The following ACBD5 variants were observed in gnomAD, a reference collection of about 807,000 sequenced individuals.
The protein encoded by ACBD5 is acyl-CoA-binding domain-containing protein 5.
Under a neutral mutation model 71.8 loss-of-function variants are expected in ACBD5, and 40 were observed. The ratio of observed to expected loss-of-function variants is 0.56; its 90% CI spans 0.43 to 0.72. The LOEUF is 0.72. Among genes scored for constraint, ACBD5 ranks in the 30% least tolerant of loss-of-function variants. The pLI, the probability that ACBD5 is intolerant of heterozygous loss-of-function variation, is 0.00. For synonymous variants in ACBD5, 229 were observed against 218.6 expected (o/e 1.05, Z -0.42); for missense variants, 559 against 644.5 (o/e 0.87, Z 1.44).
At chr10:27,206,388 G>T (rs544358274) in intron 10 of ACBD5, among the ~76,000 whole-genome samples, 17 of 151,848 alleles carry the variant, frequency 1.1e-4, no homozygotes, top group African/African-American at 3.9e-4. Flanking sequence ...AGGCTGAGGT[G>T]GGCTGATTAC....
chr10:27,197,398 C>T lies in ACBD5; in HGVS notation c.*32G>A, dbSNP rs2059465071. On this transcript the variant is annotated 3_prime_UTR_variant, in exon 13 of 13. Coordinates refer to ENST00000396271, the MANE Select transcript of ACBD5 (RefSeq NM_145698.5). ...AGTTCATTCTGAGGTCATCCAGTTC[C>T]AGTAGTCTTCTTGAGGAAAACACCA... 6.2e-7 allele frequency: 1 copy of T among 1,606,674 alleles called. No homozygotes were observed. Among genetic ancestry groups the T allele is most frequent in the Non-Finnish European group, 8.5e-7 (1 of 1,174,058 alleles).
At chr10:27,184,797 G>A (rs553779902) in intron 13 of ACBD5, among the ~76,000 whole-genome samples, 2 of 152,132 alleles carry the variant, frequency 1.3e-5, no homozygotes, top group African/African-American at 4.8e-5. Flanking sequence ...CTGACCTCAA[G>A]TAATCCGCCC....
At chr10:27,239,292 A>G (rs2065158434) in intron 2 of ACBD5, among the ~76,000 whole-genome samples, 1 of 152,264 alleles carries the variant, frequency 6.6e-6, no homozygotes, top group Non-Finnish European at 1.5e-5. Context: ...CTCTGCATTT[A>G]GAACAGAGAA....
upstream of ACBD5, chr10:27,242,092 G>A (rs765128781): frequency 2.2e-6 from 1 of 451,480 alleles, no homozygotes. Flanking sequence ...GTCCGGTAAT[G>A]TCCCCGACGC....
chr10:27,212,460 T>C (rs2061193225), intron 8 of ACBD5, among the ~76,000 whole-genome samples: 1 of 152,106 alleles, frequency 6.6e-6, no homozygotes, highest in Non-Finnish European at 1.5e-5. Context: ...TCCCCAAATA[T>C]CTCTTTTTTA....
At chr10:27,233,768 C>CG (rs1564715198) in intron 3 of ACBD5, among the ~76,000 whole-genome samples, 1 of 151,854 alleles carries the variant, frequency 6.6e-6, no homozygotes, top group African/African-American at 2.4e-5. Flanking sequence ...GGGGCGGGAG[C>CG]GGGGGGTGGC....
At chr10:27,199,248 G>C (rs1324054092) in intron 12 of ACBD5, among the ~76,000 whole-genome samples, 2 of 151,128 alleles carry the variant, frequency 1.3e-5, no homozygotes, top group African/African-American at 4.9e-5. Context: ...GAGTGCAGTG[G>C]CGCGCGACCT....
intron 2 of ACBD5, among the ~76,000 whole-genome samples, chr10:27,238,187 C>T (rs1256626857): frequency 1.3e-5 from 2 of 151,744 alleles, no homozygotes; most frequent in African/African-American, 4.8e-5. Context: ...CCTTGTGATC[C>T]GCCAGCCCCG....
At position 27,240,296 on chromosome 10, in the gene ACBD5, C is replaced by T. The variant is rs2065314914; in HGVS notation, c.181+23G>A. The T allele has an allele frequency of 1.2e-6, 2 of 1,614,078 alleles. No homozygotes were observed. Among genetic ancestry groups the T allele is most frequent in the Non-Finnish European group, 1.7e-6 (2 of 1,180,020 alleles). Reference sequence around the variant, plus strand: ...TGGGGCTCTCTGCAGGAGGCGTCTACAGCCGGGGCCCAGCGCACGTACCAT... The same window carrying T: ...TGGGGCTCTCTGCAGGAGGCGTCTATAGCCGGGGCCCAGCGCACGTACCAT... On this transcript the variant is annotated intron_variant, in intron 2 of 12. Transcript: ENST00000396271. This position sits in a 1 kb window ranked among gnomAD's most constrained non-coding sequence, Gnocchi z 4.1.
intron 6 of ACBD5, among the ~76,000 whole-genome samples, chr10:27,219,312 A>AAAAC (rs560210522): frequency 0.13 from 10,358 of 79,334 alleles, 676 homozygotes; most frequent in African/African-American, 0.32. Flanking sequence ...ATCTCATAAA[A>AAAAC]AAACAAAAAA....
In ACBD5 at chr10:27,219,998, C is replaced by A. The variant is rs188083314; in HGVS notation, c.491-141G>T. The A allele has an allele frequency of 7.6e-5, 44 of 581,550 alleles. No homozygotes were observed. In the African/African-American group the frequency reaches 8.3e-4, roughly 11 times the overall value. The allele number at this position is 581,550 out of a possible 1,614,324, so 36.0% of individuals were successfully genotyped here. On this transcript the variant is annotated intron_variant, in intron 5 of 12. Coordinates refer to ENST00000396271, the MANE Select transcript of ACBD5 (RefSeq NM_145698.5). ...GTTATATATATAATAGTATTATTTT[C>A]TTTGACTATAAACATACATATATTA...
At chr10:27,237,775 T>C (rs1181156465) in intron 2 of ACBD5, among the ~76,000 whole-genome samples, 1 of 150,876 alleles carries the variant, frequency 6.6e-6, no homozygotes, top group Admixed American at 6.6e-5. Flanking sequence ...AACTCGCCAC[T>C]ACACTCAGCT....
At chr10:27,199,064 G>A (rs1185416738) in intron 12 of ACBD5, among the ~76,000 whole-genome samples, 8 of 151,446 alleles carry the variant, frequency 5.3e-5, no homozygotes, top group Non-Finnish European at 7.4e-5. Flanking sequence ...AGCTGAGATC[G>A]GGCCACTGCA....
At position 27,226,441 on chromosome 10, in the gene ACBD5, A is replaced by ATAC. The variant is rs760194215; in HGVS notation, c.376-2992_376-2990dup. On this transcript the variant is annotated intron_variant, in intron 4 of 12. Coordinates refer to ENST00000396271, the MANE Select transcript of ACBD5 (RefSeq NM_145698.5). ...AATGGTGCACATGTACACACATGAG[A>ATAC]TACAGACTACACACACACACACACA... 9.4e-3 allele frequency among the ~76,000 whole-genome samples: 1,212 copies of ATAC among 128,470 alleles called. 11 individuals are homozygous for ATAC. Among genetic ancestry groups the ATAC allele is most frequent in the African/African-American group, 0.012 (410 of 33,600 alleles). 84.3% of individuals were successfully genotyped at this position (128,470 alleles called of 152,430 possible).
rs772004452 is a variant in ACBD5, at chr10:27,205,194, T to C, written c.1455+4A>G. On this transcript the variant is annotated splice_donor_region_variant and intron_variant, in intron 11 of 12. Coordinates refer to ENST00000396271, the MANE Select transcript of ACBD5 (RefSeq NM_145698.5). ...GCATTTAAATTTTTTAAAAAATGTC[T>C]TACCTGTGAGGTGGGCTGAGGAGCA... 2 of 1,612,398 alleles carry C rather than the reference T, an allele frequency of 1.2e-6. No individual in the cohort carries two copies. The highest frequency in any genetic ancestry group is 1.7e-6 in the Non-Finnish European group (2 of 1,179,024).
At chr10:27,208,769 C>T (rs1053478745) in intron 9 of ACBD5, among the ~76,000 whole-genome samples, 9 of 152,068 alleles carry the variant, frequency 5.9e-5, no homozygotes, top group African/African-American at 1.9e-4. Flanking sequence ...ACCCTGGAGG[C>T]GGTGGTTGCA....
intron 2 of ACBD5, among the ~76,000 whole-genome samples, chr10:27,237,411 T>G (rs976860873): frequency 6.6e-6 from 1 of 152,142 alleles, no homozygotes; most frequent in Non-Finnish European, 1.5e-5. Context: ...TTTCAGGCCT[T>G]AAATAAGGAT....
intron 3 of ACBD5, 56 bp from the exon 4 acceptor site, chr10:27,231,876 G>T: frequency 6.7e-7 from 1 of 1,500,050 alleles, no homozygotes; most frequent in Non-Finnish European, 9.3e-7. Context: ...TAATTGCTCA[G>T]AATACAATTT....
At chr10:27,211,615 G>T (rs11015609) in intron 8 of ACBD5, among the ~76,000 whole-genome samples, 1 of 151,982 alleles carries the variant, frequency 6.6e-6, no homozygotes, top group Non-Finnish European at 1.5e-5. Flanking sequence ...CCCCACGCCC[G>T]CCCAGTGAGT....
Sources: allele counts gnomAD v4.1 joint callset (sites outside exome capture counted in the v4.1 genomes callset), GRCh38; gene constraint gnomAD v4.1.1; non-coding constraint Gnocchi (gnomAD v3.1); transcripts MANE v1.5; gene names NCBI Gene and HGNC (gene_info 2026-07-23, HGNC 2026-07-21).